The following CDH8 variants were observed in gnomAD, a reference collection of about 807,000 sequenced individuals.
CDH8 encodes cadherin 8.
In CDH8, 17 loss-of-function variants were observed where a neutral mutation model predicts 68.1. The observed-to-expected ratio is 0.25, with a 90% CI of 0.17 to 0.37. The LOEUF is 0.37. CDH8 is among the 10% of genes least tolerant of loss of function. The pLI is 1.00. For synonymous variants in CDH8, 372 were observed against 365.1 expected, an observed-to-expected ratio of 1.02 and a Z score of -0.21; for missense variants, 763 against 999.3, an observed-to-expected ratio of 0.76 and a Z score of 3.19.
chr16:61,690,124 T>C (rs1428170682), intron 10 of CDH8, among the ~76,000 whole-genome samples: 3 of 152,120 alleles, frequency 2.0e-5, no homozygotes, highest in African/African-American at 7.2e-5. Context: ...TTTATACTGG[T>C]ATTTTGGCAA....
At chr16:61,937,262 G>A (rs1475598602) in intron 2 of CDH8, among the ~76,000 whole-genome samples, 3 of 152,026 alleles carry the variant, frequency 2.0e-5, no homozygotes, top group Non-Finnish European at 2.9e-5. Flanking sequence ...TCAAAGACTT[G>A]GGGATAAAGA....
In CDH8 at chr16:61,689,830, C is replaced by T. The variant is rs545850317; in HGVS notation, c.1654+24011G>A. 1.2e-3 allele frequency among the ~76,000 whole-genome samples: 187 copies of T among 151,914 alleles called. 1 individual carries two copies. Among genetic ancestry groups the T allele is most frequent in the Middle Eastern group, 3.4e-3 (1 of 294 alleles). Reference sequence around the variant, plus strand: ...TACTATGAGGATGGTTTTACTAATACATTTTTTTTTCAGATAAAGACTTGA... The same window carrying T: ...TACTATGAGGATGGTTTTACTAATATATTTTTTTTTCAGATAAAGACTTGA... On this transcript the variant is annotated intron_variant, in intron 10 of 11. Coordinates refer to ENST00000577390, the MANE Select transcript of CDH8 (RefSeq NM_001796.5).
chr16:61,856,115 T>G (rs1963042075), intron 4 of CDH8, among the ~76,000 whole-genome samples: 1 of 152,146 alleles, frequency 6.6e-6, no homozygotes, highest in African/African-American at 2.4e-5. Context: ...AATTTTTAAT[T>G]TAGTTAATAA....
chr16:61,960,402 TATAC>T (rs1351040095), intron 2 of CDH8, among the ~76,000 whole-genome samples: 2 of 144,218 alleles, frequency 1.4e-5, no homozygotes, highest in Non-Finnish European at 3.0e-5. Flanking sequence ...CACATACATA[TATAC>T]ATATATGTGT....
chr16:61,754,045 G>A (rs1225119530), intron 8 of CDH8, among the ~76,000 whole-genome samples: 3 of 152,106 alleles, frequency 2.0e-5, no homozygotes, highest in Non-Finnish European at 2.9e-5. Context: ...GGATTTAATT[G>A]TAAGGTCTCA....
At chr16:61,792,861 C>T (rs1199920036) in intron 7 of CDH8, among the ~76,000 whole-genome samples, 1 of 151,874 alleles carries the variant, frequency 6.6e-6, no homozygotes, top group African/African-American at 2.4e-5. Flanking sequence ...GTGTGAAGGG[C>T]CCTCATATCA....
intron 3 of CDH8, among the ~76,000 whole-genome samples, chr16:61,871,861 A>AGCTACCT (rs1224603682): frequency 5.7e-5 from 8 of 141,306 alleles, no homozygotes; most frequent in Middle Eastern, 3.7e-3. Flanking sequence ...AGAAATCAGT[A>AGCTACCT]GCTACCTGAA....
chr16:61,984,065 G>A (rs576208699), intron 2 of CDH8, among the ~76,000 whole-genome samples: 3 of 152,030 alleles, frequency 2.0e-5, no homozygotes, highest in Admixed American at 6.6e-5. Context: ...CTGCAGGCGT[G>A]AGCCCACCAC....
At chr16:61,855,034 G>A (rs1400658494) in intron 4 of CDH8, among the ~76,000 whole-genome samples, 1 of 151,866 alleles carries the variant, frequency 6.6e-6, no homozygotes, top group Non-Finnish European at 1.5e-5. Context: ...TATTTAAATT[G>A]TGTCCACCTT....
chr16:61,684,842 T>C (rs952440394), intron 10 of CDH8, among the ~76,000 whole-genome samples: 1 of 152,008 alleles, frequency 6.6e-6, no homozygotes, highest in Non-Finnish European at 1.5e-5. Flanking sequence ...CTGAACATCA[T>C]TAATGGATTC....
chr16:61,887,053 C>A (rs973439920), intron 3 of CDH8, among the ~76,000 whole-genome samples: 1 of 152,188 alleles, frequency 6.6e-6, no homozygotes. Flanking sequence ...TTCCTGTGTT[C>A]ATTCCCTTTT....
intron 2 of CDH8, among the ~76,000 whole-genome samples, chr16:61,992,039 A>G (rs1192598644): frequency 8.5e-6 from 1 of 117,666 alleles, no homozygotes; most frequent in East Asian, 2.9e-4. Context: ...TGCACAATAC[A>G]TGCTAAATCT....
intron 2 of CDH8, among the ~76,000 whole-genome samples, chr16:61,922,633 A>G (rs1415958246): frequency 6.6e-6 from 1 of 152,170 alleles, no homozygotes; most frequent in Admixed American, 6.5e-5. Context: ...TGTTGATGAG[A>G]GGGACTTGAA....
chr16:61,997,599 T>C (rs1263311514), intron 2 of CDH8, among the ~76,000 whole-genome samples: 1 of 152,124 alleles, frequency 6.6e-6, no homozygotes, highest in East Asian at 1.9e-4. Context: ...CCCCACAAAT[T>C]ACTTATTAAT....
At chr16:61,687,538 A>G (rs775831707) in intron 10 of CDH8, among the ~76,000 whole-genome samples, 11 of 151,994 alleles carry the variant, frequency 7.2e-5, no homozygotes, top group Admixed American at 1.3e-4. Context: ...CCTGTCATGA[A>G]GAGGATGCTA....
intron 10 of CDH8, among the ~76,000 whole-genome samples, chr16:61,659,041 T>A (rs577781723): frequency 6.6e-5 from 10 of 152,308 alleles, no homozygotes; most frequent in African/African-American, 2.4e-4. Context: ...GTATATAAAA[T>A]TTAATTGTCT....
intron 4 of CDH8, among the ~76,000 whole-genome samples, chr16:61,851,671 A>T (rs1567499972): frequency 1.8e-5 from 2 of 109,602 alleles, no homozygotes; most frequent in Non-Finnish European, 4.4e-5. Context: ...AAAAAAAAAC[A>T]TTTTAAGAAT....
At chr16:61,850,382 T>C (rs2143012389) in intron 4 of CDH8, among the ~76,000 whole-genome samples, 1 of 152,092 alleles carries the variant, frequency 6.6e-6, no homozygotes, top group South Asian at 2.1e-4. Flanking sequence ...CACCTCTCAC[T>C]AGGCCTCACT....
At chr16:62,000,206 A>G (rs888170482) in intron 2 of CDH8, among the ~76,000 whole-genome samples, 3 of 152,126 alleles carry the variant, frequency 2.0e-5, no homozygotes, top group African/African-American at 7.2e-5. Context: ...TATCATTGAT[A>G]AGCATTTGGG....
Sources: allele counts gnomAD v4.1 joint callset (sites outside exome capture counted in the v4.1 genomes callset), GRCh38; gene constraint gnomAD v4.1.1; transcripts MANE v1.5; gene names NCBI Gene and HGNC (gene_info 2026-07-23, HGNC 2026-07-21).